Variants in TMEM232 observed in about 807,000 individuals in gnomAD.
TMEM232 encodes transmembrane protein 232.
A neutral mutation model predicts 78.8 loss-of-function variants in TMEM232; 80 were observed. The ratio of observed to expected loss-of-function variants is 1.01; its 90% CI spans 0.85 to 1.22. The LOEUF is 1.22. TMEM232 is among the 50% of genes most tolerant of loss of function. The pLI, the probability that TMEM232 is intolerant of heterozygous loss-of-function variation, is 0.00. For synonymous variants in TMEM232, 297 were observed against 254.3 expected (o/e 1.17, Z -1.60); for missense variants, 881 against 742.2 (o/e 1.19, Z -2.17).
chr5:110,535,061 C>T (rs945358385), intron 11 of TMEM232, among the ~76,000 whole-genome samples: 1 of 152,212 alleles, frequency 6.6e-6, no homozygotes, highest in African/African-American at 2.4e-5. Context: ...AAAATTTTTA[C>T]TGTCCCAACA....
intron 7 of TMEM232, among the ~76,000 whole-genome samples, chr5:110,621,288 G>A (rs1783719868): frequency 6.6e-6 from 1 of 152,090 alleles, no homozygotes; most frequent in African/African-American, 2.4e-5. Context: ...TATCATCAGT[G>A]CAGAAGACCA....
At chr5:110,535,559 A>G (rs1366782250) in intron 11 of TMEM232, among the ~76,000 whole-genome samples, 1 of 152,214 alleles carries the variant, frequency 6.6e-6, no homozygotes, top group Non-Finnish European at 1.5e-5. Flanking sequence ...AATGTATACA[A>G]TTTTATTCTT....
chr5:110,720,502 A>G (rs1170625107), intron 1 of TMEM232: 1 of 152,160 alleles, frequency 6.6e-6, no homozygotes, highest in Non-Finnish European at 1.5e-5. Flanking sequence ...CATCTTGGCC[A>G]CATCTGCACA....
intron 10 of TMEM232, among the ~76,000 whole-genome samples, chr5:110,569,702 G>T (rs905783095): frequency 1.3e-5 from 2 of 151,808 alleles, no homozygotes; most frequent in African/African-American, 2.4e-5. Flanking sequence ...TCATAATGCA[G>T]GTTAATAACA....
At chr5:110,550,167 G>C (rs74647456) in intron 11 of TMEM232, among the ~76,000 whole-genome samples, 689 of 152,170 alleles carry the variant, frequency 4.5e-3, no homozygotes, top group South Asian at 6.8e-3. Context: ...AAACAATATA[G>C]TTTACAACAG....
In TMEM232 at chr5:110,587,679, ATATATATATATATGTG is replaced by A. The variant is rs1233319676; in HGVS notation, c.1276+17414_1276+17429del. On this transcript the variant is annotated intron_variant, in intron 10 of 13. Transcript: ENST00000455884. ...TACATGTATGTATATATATATATAT[ATATATATATATATGTG>A]TGTGTGTGTGTGTGTGTGTGTGTGT... Among the ~76,000 whole-genome samples, 430 of 98,670 alleles carry A rather than the reference ATATATATATATATGTG, an allele frequency of 4.4e-3. 2 individuals are homozygous for A. The highest frequency in any genetic ancestry group is 0.02 in the African/African-American group (403 of 20,022). The allele number at this position is 98,670 out of a possible 152,430, so 64.7% of individuals were successfully genotyped here.
chr5:110,583,961 A>G (rs1291704442), intron 10 of TMEM232, among the ~76,000 whole-genome samples: 2 of 136,958 alleles, frequency 1.5e-5, no homozygotes, highest in Non-Finnish European at 3.1e-5. Context: ...TAGAATATCT[A>G]TTATCAAAAA....
intron 2 of TMEM232, among the ~76,000 whole-genome samples, chr5:110,409,182 T>C (rs1755900545): frequency 6.6e-6 from 1 of 152,240 alleles, no homozygotes; most frequent in Admixed American, 6.5e-5. Flanking sequence ...AATGAACATT[T>C]ATTTCATTAA....
chr5:110,562,906 A>G (rs1775913344), intron 11 of TMEM232, among the ~76,000 whole-genome samples: 1 of 152,020 alleles, frequency 6.6e-6, no homozygotes, highest in Non-Finnish European at 1.5e-5. Context: ...CGTAAATCAT[A>G]TAGTCTATTA....
chr5:110,452,132 G>C (rs1206344767), intron 12 of TMEM232, among the ~76,000 whole-genome samples: 6 of 152,052 alleles, frequency 3.9e-5, no homozygotes, highest in African/African-American at 1.2e-4. Context: ...AACTGTAGTA[G>C]AGTAACAATT....
chr5:110,678,603 A>C (rs746575919), intron 1 of TMEM232, among the ~76,000 whole-genome samples: 3 of 152,152 alleles, frequency 2.0e-5, no homozygotes, highest in Admixed American at 1.3e-4. Flanking sequence ...CAAATGTATA[A>C]TGTCATGTAT....
chr5:110,569,493 T>G (rs1179785687), intron 10 of TMEM232, among the ~76,000 whole-genome samples: 1 of 151,812 alleles, frequency 6.6e-6, no homozygotes, highest in East Asian at 1.9e-4. Flanking sequence ...ACTGAGTATG[T>G]GAAGCAGATA....
intron 2 of TMEM232, among the ~76,000 whole-genome samples, chr5:110,659,080 G>A (rs775866521): frequency 6.6e-6 from 1 of 152,230 alleles, no homozygotes; most frequent in African/African-American, 2.4e-5. Context: ...CATAATATGC[G>A]TCTTTTGCCA....
chr5:110,524,448 A>AAGAAAG (rs1770253940), intron 12 of TMEM232, among the ~76,000 whole-genome samples: 1 of 151,404 alleles, frequency 6.6e-6, no homozygotes, highest in African/African-American at 2.4e-5. Context: ...AAGAAAGGAA[A>AAGAAAG]GAAAGAAAGA....
chr5:110,651,152 G>A (rs902740894), intron 2 of TMEM232, among the ~76,000 whole-genome samples: 3 of 152,084 alleles, frequency 2.0e-5, no homozygotes, highest in African/African-American at 7.2e-5. Flanking sequence ...AACCTGATAG[G>A]CAGTCACTTG....
At chr5:110,736,702 C>G (rs1799207606) in intron 1 of TMEM232, among the ~76,000 whole-genome samples, 1 of 152,036 alleles carries the variant, frequency 6.6e-6, no homozygotes, top group Admixed American at 6.6e-5. Flanking sequence ...CTTCCCCATA[C>G]AGAGCCAGGT....
At chr5:110,395,853 T>A (rs1168183934) in intron 3 of TMEM232, among the ~76,000 whole-genome samples, 1 of 152,140 alleles carries the variant, frequency 6.6e-6, no homozygotes, top group Non-Finnish European at 1.5e-5. Flanking sequence ...ACTTTTCTCT[T>A]TCCCTTTCAT....
chr5:110,630,123 T>C (rs1163025215), intron 5 of TMEM232, among the ~76,000 whole-genome samples: 1 of 152,132 alleles, frequency 6.6e-6, no homozygotes, highest in Non-Finnish European at 1.5e-5. Context: ...GGAGGACAAT[T>C]AAAATGGTTT....
At chr5:110,704,085 A>G (rs1164482850) in intron 1 of TMEM232, among the ~76,000 whole-genome samples, 1 of 152,140 alleles carries the variant, frequency 6.6e-6, no homozygotes, top group African/African-American at 2.4e-5. Context: ...GGCTTAACCA[A>G]ACTTCTCTCC....
Sources: allele counts gnomAD v4.1 joint callset (sites outside exome capture counted in the v4.1 genomes callset), GRCh38; gene constraint gnomAD v4.1.1; transcripts MANE v1.5; gene names NCBI Gene and HGNC (gene_info 2026-07-23, HGNC 2026-07-21).